The following TACC2 variants were observed in gnomAD, a reference collection of about 807,000 sequenced individuals.
The protein encoded by TACC2 is transforming acidic coiled-coil-containing protein 2.
Under a neutral mutation model 227.3 loss-of-function variants are expected in TACC2, and 137 were observed. The observed-to-expected ratio is 0.60, with a 90% CI of 0.52 to 0.69. The LOEUF is 0.69. Ranked by LOEUF, TACC2 falls within the 30% of genes least tolerant of loss-of-function variation. TACC2 has a pLI of 0.00. For missense variants in TACC2, 3,470 were observed against 3,694.4 expected (o/e 0.94, Z 1.57); for synonymous variants, 1,523 against 1,487.5 (o/e 1.02, Z -0.55).
chr10:122,152,684 C>T (rs947421430), intron 7 of TACC2, among the ~76,000 whole-genome samples: 2 of 152,214 alleles, frequency 1.3e-5, no homozygotes, highest in African/African-American at 4.8e-5. Flanking sequence ...TCTGCCAACA[C>T]AGCCTGAGAC....
chr10:122,198,765 G>A (rs1298803981), intron 8 of TACC2, among the ~76,000 whole-genome samples: 1 of 152,244 alleles, frequency 6.6e-6, no homozygotes, highest in African/African-American at 2.4e-5. Flanking sequence ...GGTACAGTGA[G>A]CTGGTGCCTT....
chr10:122,200,589 C>T (rs1303785266), intron 8 of TACC2, among the ~76,000 whole-genome samples: 3 of 150,776 alleles, frequency 2.0e-5, no homozygotes, highest in East Asian at 1.9e-4. Flanking sequence ...GGCCACCTCA[C>T]CTGCCCACAG....
At chr10:122,045,850 A>G (rs2074911912) in intron 2 of TACC2, among the ~76,000 whole-genome samples, 1 of 152,236 alleles carries the variant, frequency 6.6e-6, no homozygotes. Context: ...GGGGAGAACT[A>G]GTATCATTCT....
At chr10:122,108,628 T>A (rs1372377903) in intron 5 of TACC2, among the ~76,000 whole-genome samples, 1 of 150,812 alleles carries the variant, frequency 6.6e-6, no homozygotes, top group African/African-American at 2.4e-5. Flanking sequence ...GTATGTTTAG[T>A]AGAGACGAGG....
intron 3 of TACC2, among the ~76,000 whole-genome samples, chr10:122,061,085 A>G (rs2076763020): frequency 6.6e-6 from 1 of 150,938 alleles, no homozygotes; most frequent in Non-Finnish European, 1.5e-5. Context: ...CGAGGCGGGC[A>G]GATCACGAGG....
intron 1 of TACC2, among the ~76,000 whole-genome samples, chr10:122,007,246 T>G (rs1955291774): frequency 6.6e-6 from 1 of 152,220 alleles, no homozygotes. Flanking sequence ...TATTTATTTC[T>G]GAGATAATTT....
chr10:122,104,249 T>G (rs2082490785), intron 5 of TACC2, among the ~76,000 whole-genome samples: 1 of 152,228 alleles, frequency 6.6e-6, no homozygotes, highest in African/African-American at 2.4e-5. Flanking sequence ...GTTTCACCAG[T>G]GTCAATCATT....
At chr10:122,173,769 G>A (rs916692930) in intron 7 of TACC2, among the ~76,000 whole-genome samples, 2 of 152,240 alleles carry the variant, frequency 1.3e-5, no homozygotes, top group African/African-American at 4.8e-5. Context: ...CCTTCTTCAT[G>A]TCCTTCCTGC....
At chr10:122,235,161 A>G (rs1037004804) in intron 16 of TACC2, among the ~76,000 whole-genome samples, 6 of 152,206 alleles carry the variant, frequency 3.9e-5, no homozygotes, top group African/African-American at 1.4e-4. Context: ...ATCTCAGCTC[A>G]CTGCAACCTT....
chr10:122,156,976 G>A (rs977076109), intron 7 of TACC2, among the ~76,000 whole-genome samples: 1 of 151,938 alleles, frequency 6.6e-6, no homozygotes, highest in African/African-American at 2.4e-5. Context: ...GCTAGGCATG[G>A]TGGCACACGT....
chr10:122,106,866 C>T (rs2082861789), intron 5 of TACC2, among the ~76,000 whole-genome samples: 1 of 152,186 alleles, frequency 6.6e-6, no homozygotes, highest in Non-Finnish European at 1.5e-5. Flanking sequence ...AGACCCAGGC[C>T]CTTTTCATTT....
intron 12 of TACC2, among the ~76,000 whole-genome samples, chr10:122,225,563 TGGCCACACCTGTGTCCCCAGTAGCTGA>T (rs893578664): frequency 5.3e-5 from 8 of 152,354 alleles, no homozygotes; most frequent in African/African-American, 1.9e-4. Flanking sequence ...CTTAGCTCTG[TGGCCACACCTGTGTCCCCAGTAGCTGA>T]GGCCATATAC....
chr10:122,023,487 C>T (rs960725202), intron 2 of TACC2: 5 of 151,926 alleles, frequency 3.3e-5, no homozygotes, highest in African/African-American at 1.2e-4. Context: ...GAGTTCACAT[C>T]CTTTGTAGGT....
intron 8 of TACC2, among the ~76,000 whole-genome samples, chr10:122,200,987 C>G (rs77544418): frequency 1.6e-5 from 2 of 128,326 alleles, no homozygotes; most frequent in Non-Finnish European, 3.5e-5. Context: ...AGAGGACGGC[C>G]ACCTCACCCG....
At chr10:122,024,790 C>T (rs1412231443) in intron 2 of TACC2, among the ~76,000 whole-genome samples, 1 of 152,032 alleles carries the variant, frequency 6.6e-6, no homozygotes, top group East Asian at 1.9e-4. Flanking sequence ...ATGTACTGTA[C>T]ATTTTGTGGA....
chr10:122,198,127 C>G (rs1161015626), intron 8 of TACC2, among the ~76,000 whole-genome samples: 1 of 152,218 alleles, frequency 6.6e-6, no homozygotes, highest in African/African-American at 2.4e-5. Context: ...TTATAAAGCA[C>G]TCACTTGCCC....
intron 7 of TACC2, among the ~76,000 whole-genome samples, chr10:122,174,442 CT>C (rs2093617019): frequency 6.6e-6 from 1 of 152,176 alleles, no homozygotes; most frequent in Non-Finnish European, 1.5e-5. Flanking sequence ...CATTCAGGGC[CT>C]CATTTATGAT....
intron 1 of TACC2, among the ~76,000 whole-genome samples, chr10:122,006,412 G>A (rs563978966): frequency 2.2e-4 from 33 of 151,832 alleles, no homozygotes; most frequent in African/African-American, 7.7e-4. Context: ...TTGCGCCACT[G>A]CACTTCAGCC....
intron 2 of TACC2, among the ~76,000 whole-genome samples, chr10:122,048,378 T>A (rs1214192082): frequency 6.6e-6 from 1 of 151,382 alleles, no homozygotes; most frequent in Non-Finnish European, 1.5e-5. Flanking sequence ...AGCCTTATTT[T>A]TTTTTTCTCC....
Sources: gnomAD v4.1 joint callset for allele counts (sites outside exome capture counted in the v4.1 genomes callset) on GRCh38, gnomAD v4.1.1 for gene constraint, MANE v1.5 for transcripts, NCBI Gene and HGNC (gene_info 2026-07-23, HGNC 2026-07-21) for gene names.